The following DTWD2 variants were observed in gnomAD, a reference collection of about 807,000 sequenced individuals.
DTWD2 encodes tRNA-uridine aminocarboxypropyltransferase 2.
Under a neutral mutation model 31.8 loss-of-function variants are expected in DTWD2, and 39 were observed. The ratio of observed to expected loss-of-function variants is 1.22; its 90% confidence interval spans 0.95 to 1.60. The LOEUF is 1.60. Among genes scored for constraint, DTWD2 ranks in the 40% most tolerant of loss-of-function variants. DTWD2 has a pLI of 0.00. For synonymous variants in DTWD2, 180 were observed against 142.8 expected (o/e 1.26, Z -1.86); for missense variants, 515 against 381.5 (o/e 1.35, Z -2.92).
intron 3 of DTWD2, among the ~76,000 whole-genome samples, chr5:118,931,867 G>C (rs964822744): frequency 2.6e-5 from 4 of 152,066 alleles, no homozygotes; most frequent in Non-Finnish European, 4.4e-5. Context: ...ATTTAAAATA[G>C]AAATCATACA....
chr5:118,875,170 G>A (rs1348256239), intron 4 of DTWD2, among the ~76,000 whole-genome samples: 1 of 152,112 alleles, frequency 6.6e-6, no homozygotes, highest in Non-Finnish European at 1.5e-5. Flanking sequence ...GAGGGAAATT[G>A]TTGCCAACTG....
chr5:118,885,912 C>T (rs1044796531), intron 4 of DTWD2, among the ~76,000 whole-genome samples: 2 of 152,108 alleles, frequency 1.3e-5, no homozygotes, highest in African/African-American at 4.8e-5. Context: ...CTGCAATAAG[C>T]TGTGATCACA....
intron 4 of DTWD2, among the ~76,000 whole-genome samples, chr5:118,885,456 CAA>C (rs34550372): frequency 2.6e-3 from 152 of 57,488 alleles, no homozygotes; most frequent in African/African-American, 9.6e-3. Flanking sequence ...GACTCCACCT[CAA>C]AAAAAAAAAA....
At chr5:118,961,076 G>GT (rs897124475) in intron 1 of DTWD2, among the ~76,000 whole-genome samples, 8 of 61,242 alleles carry the variant, frequency 1.3e-4, no homozygotes, top group African/African-American at 9.6e-4. Context: ...AAAACTAAAA[G>GT]TTAAAAAAAA....
intron 4 of DTWD2, among the ~76,000 whole-genome samples, chr5:118,895,413 T>G (rs902042669): frequency 6.6e-6 from 1 of 152,188 alleles, no homozygotes; most frequent in Admixed American, 6.5e-5. Flanking sequence ...GAAGAATTAA[T>G]ATTGTCAAAA....
At chr5:118,860,353 A>T (rs1363891652) in intron 4 of DTWD2, among the ~76,000 whole-genome samples, 1 of 151,416 alleles carries the variant, frequency 6.6e-6, no homozygotes, top group Non-Finnish European at 1.5e-5. Flanking sequence ...AAAAGTATCT[A>T]AATATCATTC....
chr5:118,883,937 G>A (rs578248292), intron 4 of DTWD2, among the ~76,000 whole-genome samples: 1 of 152,290 alleles, frequency 6.6e-6, no homozygotes, highest in Middle Eastern at 3.4e-3. Context: ...AATATTTATA[G>A]TTCTGTAAGT....
intron 1 of DTWD2, among the ~76,000 whole-genome samples, chr5:118,956,376 TTTC>T (rs1340836618): frequency 6.6e-6 from 1 of 152,226 alleles, no homozygotes; most frequent in Admixed American, 6.5e-5. Context: ...AAATAAGCTT[TTTC>T]TTCTTTTCTC....
chr5:118,856,764 CTTTTTTTTTTT>C (rs68175368), intron 4 of DTWD2, among the ~76,000 whole-genome samples: 1 of 44,342 alleles, frequency 2.3e-5, no homozygotes, highest in Admixed American at 3.7e-4. Context: ...TTGAGGCTTA[CTTTTTTTTTTT>C]TTTTTTTTTT....
At chr5:118,909,800 A>G (rs1341408361) in intron 4 of DTWD2, among the ~76,000 whole-genome samples, 1 of 152,148 alleles carries the variant, frequency 6.6e-6, no homozygotes, top group Admixed American at 6.5e-5. Flanking sequence ...ATGACGAGAC[A>G]CTGTGCCCCT....
At chr5:118,899,905 G>A (rs555472106) in intron 4 of DTWD2, among the ~76,000 whole-genome samples, 3 of 149,522 alleles carry the variant, frequency 2.0e-5, no homozygotes, top group East Asian at 4.0e-4. Context: ...GGGTTCAAGC[G>A]ATTCTCCTGC....
intron 1 of DTWD2, among the ~76,000 whole-genome samples, chr5:118,970,345 T>G (rs2149597953): frequency 6.6e-6 from 1 of 152,270 alleles, no homozygotes; most frequent in Non-Finnish European, 1.5e-5. Flanking sequence ...AAGAATCACT[T>G]GAACCCGGGA....
At chr5:118,955,399 C>A (rs1472505557) in intron 1 of DTWD2, among the ~76,000 whole-genome samples, 3 of 152,210 alleles carry the variant, frequency 2.0e-5, no homozygotes, top group African/African-American at 4.8e-5. Flanking sequence ...AACTGTTAAA[C>A]CATCTCTTCC....
intron 4 of DTWD2, among the ~76,000 whole-genome samples, chr5:118,894,916 G>C (rs1249908387): frequency 6.6e-6 from 1 of 152,020 alleles, no homozygotes; most frequent in African/African-American, 2.4e-5. Context: ...CTGAATGGGG[G>C]ACAACTGAAA....
At chr5:118,925,164 C>T (rs1215214074) in intron 4 of DTWD2, among the ~76,000 whole-genome samples, 4 of 152,082 alleles carry the variant, frequency 2.6e-5, no homozygotes, top group Non-Finnish European at 2.9e-5. Context: ...AACAACAGAG[C>T]AGATAACACA....
In DTWD2 at chr5:118,840,493, C is replaced by T. The variant is rs1280309114; in HGVS notation, c.*424G>A. On this transcript the variant is annotated 3_prime_UTR_variant, in exon 6 of 6. Transcript: ENST00000510708. ...ATTTTCTTTTGCTACTTATTTCAAA[C>T]TGTAAAGTCAGGACTGCAAACTGAT... The T allele has an allele frequency of 6.6e-6, 1 of 152,242 alleles. No individual in the cohort carries two copies. The highest frequency in any genetic ancestry group is 1.9e-4 in the East Asian group (1 of 5,200). 9.4% of individuals were successfully genotyped at this position (152,242 alleles called of 1,614,324 possible).
chr5:118,888,237 C>T (rs1025191957), intron 4 of DTWD2, among the ~76,000 whole-genome samples: 19 of 152,194 alleles, frequency 1.2e-4, no homozygotes, highest in Admixed American at 6.5e-4. Context: ...ATCTCTACTT[C>T]TTGCGTCTCT....
chr5:118,944,230 A>T (rs910762353), intron 2 of DTWD2, among the ~76,000 whole-genome samples: 1 of 152,222 alleles, frequency 6.6e-6, no homozygotes, highest in Admixed American at 6.5e-5. Context: ...AAGAAACATA[A>T]GCTATGACCA....
intron 4 of DTWD2, among the ~76,000 whole-genome samples, chr5:118,876,115 T>C (rs574715346): frequency 6.6e-6 from 1 of 152,232 alleles, no homozygotes; most frequent in African/African-American, 2.4e-5. Context: ...TTTGGGTAAA[T>C]AATGAAATGA....
Sources: allele counts gnomAD v4.1 joint callset (sites outside exome capture counted in the v4.1 genomes callset), GRCh38; gene constraint gnomAD v4.1.1; transcripts MANE v1.5; gene names NCBI Gene and HGNC (gene_info 2026-07-23, HGNC 2026-07-21).